The following MALT1 variants were observed in gnomAD, a reference collection of about 807,000 sequenced individuals.
The protein encoded by MALT1 is MALT1 paracaspase, also known as mucosa-associated lymphoid tissue lymphoma translocation protein 1.
MALT1 carries 36 observed loss-of-function variants against 85.5 expected under a neutral mutation model. The observed-to-expected ratio is 0.42, with a 90% CI of 0.32 to 0.56. MALT1 has a LOEUF of 0.56. Among genes scored for constraint, MALT1 ranks in the 20% least tolerant of loss-of-function variants. The probability of loss-of-function intolerance (pLI) is 0.10; values close to 1 mark genes in which losing one functional copy is unlikely to be tolerated. For synonymous variants in MALT1, 359 were observed against 361.3 expected, an observed-to-expected ratio of 0.99 and a Z score of 0.07; for missense variants, 716 against 981.6, an observed-to-expected ratio of 0.73 and a Z score of 3.62.
chr18:58,721,163 T>G (rs2054976749), intron 9 of MALT1, among the ~76,000 whole-genome samples: 1 of 152,210 alleles, frequency 6.6e-6, no homozygotes, highest in Non-Finnish European at 1.5e-5. Flanking sequence ...GCAGATCACC[T>G]GAGGTCAGGA....
intron 1 of MALT1, among the ~76,000 whole-genome samples, chr18:58,677,118 G>A (rs2054251753): frequency 6.6e-6 from 1 of 152,058 alleles, no homozygotes; most frequent in Non-Finnish European, 1.5e-5. Flanking sequence ...ACTTAAAAAG[G>A]AAAGAAAGAA....
intron 13 of MALT1, among the ~76,000 whole-genome samples, chr18:58,737,179 TAAAA>T (rs1241851908): frequency 6.6e-6 from 1 of 150,438 alleles, no homozygotes; most frequent in African/African-American, 2.4e-5. Flanking sequence ...CATCTCAATT[TAAAA>T]AAAAAATTAT....
chr18:58,691,162 G>T, intron 2 of MALT1: 1 of 250,650 alleles, frequency 4.0e-6, no homozygotes, highest in South Asian at 3.8e-5. Context: ...TGTTCTCGAG[G>T]CCTTCTGTCC....
chr18:58,691,384 G>A, intron 2 of MALT1: 1 of 671,124 alleles, frequency 1.5e-6, no homozygotes, highest in Non-Finnish European at 2.5e-6. Flanking sequence ...CAGCTCCTCT[G>A]TGGCAATGAC....
At chr18:58,709,872 T>A in intron 5 of MALT1, 104 bp from the exon 6 acceptor site, 1 of 758,218 alleles carries the variant, frequency 1.3e-6, no homozygotes, top group Non-Finnish European at 2.2e-6. Context: ...TAAAGCCTTC[T>A]AAGATGTTAT....
chr18:58,714,104 A>G lies in MALT1; in HGVS notation c.980A>G (p.His327Arg), dbSNP rs757727707. ...TTAGATGAATTAAATAATCTTGGTC[A>G]TCCTGGTGAGTAATACAAACATAAA... ...CTEDELNNLG[H>R]PDNKEQTTDQ... Residue 327 changes from histidine to arginine, a missense_variant, in exon 8 of 17, where the codon CAT becomes CGT. By Grantham distance (29) the His-to-Arg change is conservative. Around this residue, in one of 4 missense-constraint regions of MALT1, gnomAD observed 290 missense variants for 380.5 expected, o/e 0.76. Transcript: ENST00000649217. The G allele has an allele frequency of 7.8e-7, 1 of 1,275,590 alleles. No homozygotes were observed. 79.0% of individuals were successfully genotyped at this position (1,275,590 alleles called of 1,614,324 possible).
At chr18:58,725,286 T>C (rs960374058) in intron 10 of MALT1, among the ~76,000 whole-genome samples, 9 of 152,112 alleles carry the variant, frequency 5.9e-5, no homozygotes, top group African/African-American at 2.2e-4. Context: ...CACACCACTG[T>C]ACTGCAGCCT....
In MALT1 at chr18:58,716,335, CCT is replaced by C. The variant is rs201361118; in HGVS notation, c.1018+369_1018+370del. ...CTGCAGTAGCTTTAGCGTTTGCTCC[CCT>C]GTCTTCTCCAATGGAAAGAGAAAAG... is the stretch of plus-strand genomic sequence containing the variant. On this transcript the variant is annotated intron_variant, in intron 9 of 16. Transcript: ENST00000649217. 5.3e-4 allele frequency among the ~76,000 whole-genome samples: 81 copies of C among 152,280 alleles called. 2 individuals are homozygous for C. In the East Asian group the frequency reaches 0.014, roughly 27 times the overall value.
At chr18:58,671,996 A>C in intron 1 of MALT1, 144 bp downstream of exon 1, 1 of 480,856 alleles carries the variant, frequency 2.1e-6, no homozygotes, top group Non-Finnish European at 3.2e-6. Flanking sequence ...TCGGTCATTG[A>C]GGCGGAGCGG....
intron 13 of MALT1, among the ~76,000 whole-genome samples, chr18:58,739,412 A>G (rs905227748): frequency 1.3e-5 from 2 of 152,198 alleles, no homozygotes; most frequent in Non-Finnish European, 1.5e-5. Context: ...TTGTGGAATG[A>G]GATGGAGGAC....
In MALT1 at chr18:58,733,377, CTT is replaced by C. The variant is rs2055180444; in HGVS notation, c.1223-19_1223-18del. ...ATTTAGAATTGACATCTATCTCTCTCTTATTTTTCCTCTTTTCAGGGTTATTA... is the reference window on the plus strand; with the variant it reads ...ATTTAGAATTGACATCTATCTCTCTCATTTTTCCTCTTTTCAGGGTTATTA... On this transcript the variant is annotated intron_variant, in intron 10 of 16. Transcript: ENST00000649217. 8 of 1,518,078 alleles carry C rather than the reference CTT, an allele frequency of 5.3e-6. No homozygotes were observed. Among genetic ancestry groups the C allele is most frequent in the African/African-American group, 4.2e-5 (3 of 72,148 alleles). The allele number at this position is 1,518,078 out of a possible 1,614,324, so 94.0% of individuals were successfully genotyped here. A position where few individuals can be genotyped will look rare whatever the true frequency, so the allele number is the denominator to read the frequency against.
At chr18:58,682,034 C>A (rs1352368668) in intron 2 of MALT1, among the ~76,000 whole-genome samples, 1 of 152,094 alleles carries the variant, frequency 6.6e-6, no homozygotes, top group African/African-American at 2.4e-5. Context: ...TCCTTCTTTA[C>A]CTGGGGATCC....
chr18:58,719,813 C>T (rs2054959382), intron 9 of MALT1, among the ~76,000 whole-genome samples: 2 of 152,236 alleles, frequency 1.3e-5, no homozygotes. Flanking sequence ...GCCTGTTCCT[C>T]ACCCACACCA....
At chr18:58,739,397 A>G (rs2055270871) in intron 13 of MALT1, among the ~76,000 whole-genome samples, 1 of 152,214 alleles carries the variant, frequency 6.6e-6, no homozygotes, top group Non-Finnish European at 1.5e-5. Context: ...AATGTAGCGT[A>G]GGCCTTGTGG....
In MALT1 at chr18:58,754,262, T is replaced by C. The variant is rs2055483527; in HGVS notation, c.*6420T>C. On this transcript the variant is annotated 3_prime_UTR_variant, in exon 17 of 17. Coordinates refer to ENST00000649217, the MANE Select transcript of MALT1 (RefSeq NM_006785.4). ...ACGGGAAAAGTACACAACAGTGTCT[T>C]AATATTTCATTCTTCCATGAAAAAC... 6.6e-6 allele frequency: 1 copy of C among 152,216 alleles called. No homozygotes were observed. The highest frequency in any genetic ancestry group is 2.4e-5 in the African/African-American group (1 of 41,454). The allele number at this position is 152,216 out of a possible 1,614,324, so 9.4% of individuals were successfully genotyped here.
intron 13 of MALT1, among the ~76,000 whole-genome samples, chr18:58,737,972 CTT>C (rs1296131305): frequency 1.3e-5 from 2 of 152,128 alleles, no homozygotes; most frequent in African/African-American, 4.8e-5. Flanking sequence ...TGTAACGTGA[CTT>C]TTATTTTTGT....
intron 9 of MALT1, among the ~76,000 whole-genome samples, chr18:58,721,926 C>T (rs922771886): frequency 1.3e-5 from 2 of 152,168 alleles, no homozygotes; most frequent in Non-Finnish European, 2.9e-5. Context: ...CCAGGCGGCT[C>T]TTCAGCCAGT....
chr18:58,694,166 C>A (rs564522659), intron 2 of MALT1, among the ~76,000 whole-genome samples: 1 of 152,188 alleles, frequency 6.6e-6, no homozygotes, highest in Non-Finnish European at 1.5e-5. Context: ...TGAATGTCCT[C>A]CCTTGGCAAG....
rs995555822 is a variant in MALT1 at position 58,751,589 on chromosome 18, C to G, written c.*3747C>G. 5.9e-5 allele frequency: 9 copies of G among 152,090 alleles called. No homozygotes were observed. The highest frequency in any genetic ancestry group is 1.9e-4 in the African/African-American group (8 of 41,428). 9.4% of individuals were successfully genotyped at this position (152,090 alleles called of 1,614,324 possible). A position where few individuals can be genotyped will look rare whatever the true frequency, so the allele number is the denominator to read the frequency against. On this transcript the variant is annotated 3_prime_UTR_variant, in exon 17 of 17. Transcript: ENST00000649217. Reference sequence around the variant, plus strand: ...AGTTTTGGTCTTCTTTTTTATCAACCATGCTTTTATTTTACTTGAATCTCG... The same window carrying G: ...AGTTTTGGTCTTCTTTTTTATCAACGATGCTTTTATTTTACTTGAATCTCG...
Sources: allele counts gnomAD v4.1 joint callset (sites outside exome capture counted in the v4.1 genomes callset), GRCh38; gene constraint gnomAD v4.1.1; regional missense constraint gnomAD v4.1.1; transcripts MANE v1.5; gene names NCBI Gene and HGNC (gene_info 2026-07-23, HGNC 2026-07-21).